The following ZBBX variants were observed in gnomAD, a reference collection of about 807,000 sequenced individuals.
The protein encoded by ZBBX is zinc finger B-box domain containing, also known as zinc finger B-box domain-containing protein 1.
ZBBX carries 101 observed loss-of-function variants against 108.5 expected under a neutral mutation model. The ratio of observed to expected loss-of-function variants is 0.93; its 90% CI spans 0.79 to 1.10. ZBBX has a LOEUF of 1.10. Among genes scored for constraint, ZBBX ranks in the 50% least tolerant of loss-of-function variants. ZBBX has a pLI of 0.00. For missense variants in ZBBX, 1,009 were observed against 941.4 expected, an observed-to-expected ratio of 1.07 and a Z score of -0.94; for synonymous variants, 356 against 323.4, an observed-to-expected ratio of 1.10 and a Z score of -1.08.
chr3:167,382,773 T>C (rs576450336), upstream of ZBBX, among the ~76,000 whole-genome samples: 4 of 152,158 alleles, frequency 2.6e-5, no homozygotes, highest in Non-Finnish European at 5.9e-5. Flanking sequence ...TAACTATTGA[T>C]AAAGTCTCTG....
chr3:167,282,173 T>G (rs981918058), intron 20 of ZBBX, 65 bp downstream of exon 20: 3 of 1,485,874 alleles, frequency 2.0e-6, no homozygotes, highest in Non-Finnish European at 9.0e-7. Context: ...GCGCAAGATA[T>G]GAAGAATCCG....
chr3:167,324,864 G>A (rs774252065), intron 11 of ZBBX, among the ~76,000 whole-genome samples: 26 of 151,958 alleles, frequency 1.7e-4, no homozygotes, highest in African/African-American at 5.8e-4. Context: ...GCACATTATC[G>A]GTTCCAAAAT....
rs1413009510 is a variant in ZBBX, at chr3:167,395,938, CT to C, written c.-446+11787del. ...TCTCCCTCTAGCTTCCTGGAGTCTA[CT>C]TTAAGGCTTGGGTACAAACCTCAGT... On this transcript the variant is annotated intron_variant, in intron 1 of 21. Coordinates refer to the ZBBX transcript ENST00000455345. Among the ~76,000 whole-genome samples the C allele has an allele frequency of 3.9e-5, 6 of 152,122 alleles. No individual in the cohort carries two copies. In the East Asian group the frequency reaches 1.2e-3, roughly 30 times the overall value.
chr3:167,350,515 C>A lies in ZBBX; in HGVS notation c.433G>T (p.Val145Leu). The A allele has an allele frequency of 6.4e-7, 1 of 1,562,150 alleles. No individual in the cohort carries two copies. Among genetic ancestry groups the A allele is most frequent in the Non-Finnish European group, 8.7e-7 (1 of 1,152,232 alleles). Residue 145 changes from valine (V) to leucine (L), a missense_variant and splice_region_variant, in exon 9 of 22, where the codon GTA becomes TTA. By Grantham distance (32) the Val-to-Leu change is conservative. Coordinates refer to ENST00000675490, the MANE Select transcript of ZBBX (RefSeq NM_001199201.2). Reference protein sequence around the residue: ...GQCENKAALLVCLECGEDYCS... With the variant: ...GQCENKAALLLCLECGEDYCS... ...TAATCTTCTCCACATTCAAGGCATA[C>A]CTAAAAAGATATTTTTTAAAAAATT...
intron 20 of ZBBX, among the ~76,000 whole-genome samples, chr3:167,274,705 C>T (rs1727169876): frequency 6.6e-6 from 1 of 152,146 alleles, no homozygotes; most frequent in Non-Finnish European, 1.5e-5. Flanking sequence ...CCCATCGTTC[C>T]CTTGAAACTG....
intron 16 of ZBBX, among the ~76,000 whole-genome samples, chr3:167,308,257 G>C (rs2108246263): frequency 6.6e-6 from 1 of 152,158 alleles, no homozygotes; most frequent in South Asian, 2.1e-4. Flanking sequence ...ACCACAATGA[G>C]ATACCATCTC....
intron 20 of ZBBX, among the ~76,000 whole-genome samples, chr3:167,269,575 A>G (rs1726172875): frequency 2.0e-5 from 3 of 152,200 alleles, no homozygotes; most frequent in Admixed American, 2.0e-4. Context: ...AAAACCCCAG[A>G]GGAAGTGGTG....
At chr3:167,321,125 G>T (rs946908345) in intron 12 of ZBBX, among the ~76,000 whole-genome samples, 1 of 151,950 alleles carries the variant, frequency 6.6e-6, no homozygotes, top group Non-Finnish European at 1.5e-5. Context: ...CTGAGTGAAT[G>T]TTATTTGGGA....
the ZBBX span, among the ~76,000 whole-genome samples, chr3:167,179,960 T>C: frequency 6.6e-6 from 1 of 152,214 alleles, no homozygotes; most frequent in Non-Finnish European, 1.5e-5. Context: ...GTGAGGACAA[T>C]AGTTTTTCCA....
At chr3:167,306,198 C>G (rs1733614578) in intron 16 of ZBBX, among the ~76,000 whole-genome samples, 1 of 152,128 alleles carries the variant, frequency 6.6e-6, no homozygotes, top group Non-Finnish European at 1.5e-5. Flanking sequence ...TTTTATTTTG[C>G]AATGAAATCT....
chr3:167,322,129 T>C lies in ZBBX; in HGVS notation c.971A>G (p.Lys324Arg). 7.6e-7 allele frequency: 1 copy of C among 1,310,970 alleles called. No individual in the cohort carries two copies. The highest frequency in any genetic ancestry group is 1.0e-6 in the Non-Finnish European group (1 of 990,484). 81.2% of individuals were successfully genotyped at this position (1,310,970 alleles called of 1,614,324 possible). A position where few individuals can be genotyped will look rare whatever the true frequency, so the allele number is the denominator to read the frequency against. Residue 324 changes from lysine (K) to arginine (R), a missense_variant, in exon 12 of 22, where the codon AAA becomes AGA. Physicochemically the swap from Lys to Arg is conservative, Grantham distance 26. Transcript: ENST00000675490. The part of the protein sequence containing the change: ...ILSYMEKLWL[K>R]KHRRTPQEQL... ...TTTCAGAAAATACCTCCTGTGTTTT[T>C]TAAGCCATAATTTTTCCATATAGGA...
At chr3:167,242,179 A>T (rs1720786807) in intron 21 of ZBBX, among the ~76,000 whole-genome samples, 1 of 152,190 alleles carries the variant, frequency 6.6e-6, no homozygotes, top group Non-Finnish European at 1.5e-5. Flanking sequence ...ATTGACATTT[A>T]TTAGGTTAAT....
chr3:167,360,059 C>A, intron 7 of ZBBX, 80 bp from the exon 8 acceptor site: 1 of 631,230 alleles, frequency 1.6e-6, no homozygotes, highest in Non-Finnish European at 2.5e-6. Context: ...TGAAACTATG[C>A]ATACTTCCCA....
intron 8 of ZBBX, among the ~76,000 whole-genome samples, chr3:167,351,226 G>C (rs573372455): frequency 6.6e-6 from 1 of 152,162 alleles, no homozygotes; most frequent in African/African-American, 2.4e-5. Context: ...TTTTAAAATT[G>C]TTGGACAAGT....
the ZBBX span, among the ~76,000 whole-genome samples, chr3:167,231,771 T>C: frequency 1.3e-5 from 2 of 151,758 alleles, no homozygotes; most frequent in South Asian, 4.1e-4. Flanking sequence ...CCCAAATCTG[T>C]GGTGGGTATT....
chr3:167,352,642 C>T (rs1238860485), intron 8 of ZBBX, among the ~76,000 whole-genome samples: 1 of 151,718 alleles, frequency 6.6e-6, no homozygotes, highest in Non-Finnish European at 1.5e-5. Flanking sequence ...GCCAGGGTAA[C>T]CCTGCTACCA....
intron 10 of ZBBX, among the ~76,000 whole-genome samples, chr3:167,329,322 G>A (rs1421013443): frequency 6.6e-6 from 1 of 152,166 alleles, no homozygotes; most frequent in Non-Finnish European, 1.5e-5. Context: ...TATCTTTTAA[G>A]ACATGAGAGT....
At chr3:167,395,099 A>T (rs1429893614) in intron 1 of ZBBX, among the ~76,000 whole-genome samples, 1 of 152,000 alleles carries the variant, frequency 6.6e-6, no homozygotes, top group Non-Finnish European at 1.5e-5. Context: ...TTACTTTCTA[A>T]AGCTTGTTCC....
At chr3:167,267,544 A>T (rs1230772413) in intron 20 of ZBBX, among the ~76,000 whole-genome samples, 2 of 152,196 alleles carry the variant, frequency 1.3e-5, no homozygotes, top group African/African-American at 4.8e-5. Context: ...GAGAGAACTA[A>T]ACATAAGAAA....
Sources: allele counts gnomAD v4.1 joint callset (sites outside exome capture counted in the v4.1 genomes callset), GRCh38; gene constraint gnomAD v4.1.1; transcripts MANE v1.5; gene names NCBI Gene and HGNC (gene_info 2026-07-23, HGNC 2026-07-21).